The following SLIT3 variants were observed in gnomAD, a reference collection of about 807,000 sequenced individuals.
SLIT3 encodes the protein slit guidance ligand 3, also known as slit homolog 3 protein.
In SLIT3, 68 loss-of-function variants were observed where a neutral mutation model predicts 184.0. The ratio of observed to expected loss-of-function variants is 0.37; its 90% CI spans 0.30 to 0.45. SLIT3 has a LOEUF of 0.45. SLIT3 is among the 20% of genes least tolerant of loss of function. The pLI, the probability that SLIT3 is intolerant of heterozygous loss-of-function variation, is 1.00. For missense variants in SLIT3, 1,707 were observed against 2,026.0 expected (o/e 0.84, Z 3.02); for synonymous variants, 831 against 828.6 (o/e 1.00, Z -0.05).
intron 20 of SLIT3, among the ~76,000 whole-genome samples, chr5:168,734,874 G>A (rs547966945): frequency 3.8e-4 from 58 of 152,274 alleles, no homozygotes; most frequent in African/African-American, 1.2e-3. Context: ...GGAGAGCTGC[G>A]TTTGGCATGA....
chr5:169,281,216 A>G (rs1766981328), intron 1 of SLIT3, among the ~76,000 whole-genome samples: 1 of 152,220 alleles, frequency 6.6e-6, no homozygotes, highest in Admixed American at 6.5e-5. Flanking sequence ...GGCTGGGCGC[A>G]GTGGCTCATC....
chr5:169,071,929 CAG>C (rs929114407), intron 4 of SLIT3, among the ~76,000 whole-genome samples: 20 of 152,272 alleles, frequency 1.3e-4, no homozygotes, highest in Non-Finnish European at 2.8e-4. Context: ...TGGAACGTCA[CAG>C]AGAGACAGTA....
chr5:168,871,433 C>T lies in SLIT3; in HGVS notation c.485+11832G>A, dbSNP rs554718364. 4.6e-5 allele frequency among the ~76,000 whole-genome samples: 7 copies of T among 152,196 alleles called. No individual in the cohort carries two copies. The East Asian group carries it at 5.8e-4, about 13-fold the overall frequency. The stretch of plus-strand genomic sequence containing the variant: ...GGAGCTGGGACTCCTCAGTTCTTTT[C>T]GTCCTTTCCATGTCTTGGTGGGGAC... On this transcript the variant is annotated intron_variant, in intron 5 of 35. Transcript: ENST00000519560.
At chr5:169,265,594 T>A (rs528518525) in intron 1 of SLIT3, among the ~76,000 whole-genome samples, 1 of 152,254 alleles carries the variant, frequency 6.6e-6, no homozygotes, top group South Asian at 2.1e-4. Flanking sequence ...TGGGCTCAAA[T>A]CTTAGCAAAT....
intron 25 of SLIT3, among the ~76,000 whole-genome samples, chr5:168,709,873 G>A (rs1299283752): frequency 6.6e-6 from 1 of 151,804 alleles, no homozygotes; most frequent in Non-Finnish European, 1.5e-5. Context: ...GAGAAAATAA[G>A]AGAAAATAAT....
chr5:169,278,328 A>G (rs1191541628), intron 1 of SLIT3, among the ~76,000 whole-genome samples: 1 of 152,200 alleles, frequency 6.6e-6, no homozygotes, highest in Non-Finnish European at 1.5e-5. Flanking sequence ...AACACCTGAA[A>G]AGTAGGATAA....
chr5:168,783,800 C>T (rs1756058308), intron 12 of SLIT3, among the ~76,000 whole-genome samples: 1 of 152,178 alleles, frequency 6.6e-6, no homozygotes, highest in South Asian at 2.1e-4. Context: ...CTACTTGAGT[C>T]CCAGTTACTG....
chr5:168,861,027 C>T (rs1049340889), intron 5 of SLIT3, among the ~76,000 whole-genome samples: 1 of 152,152 alleles, frequency 6.6e-6, no homozygotes, highest in African/African-American at 2.4e-5. Flanking sequence ...GACCCAGACA[C>T]AGACCAAGGG....
At chr5:168,927,678 T>G (rs1187750209) in intron 4 of SLIT3, among the ~76,000 whole-genome samples, 1 of 152,218 alleles carries the variant, frequency 6.6e-6, no homozygotes, top group Non-Finnish European at 1.5e-5. Flanking sequence ...TGCCCGTTCA[T>G]GTCTCTGTCT....
intron 1 of SLIT3, among the ~76,000 whole-genome samples, chr5:169,255,862 G>A (rs555678624): frequency 2.6e-5 from 4 of 152,272 alleles, no homozygotes; most frequent in South Asian, 2.1e-4. Flanking sequence ...CAGCCTGGGC[G>A]ACAGAGCAAG....
intron 1 of SLIT3, among the ~76,000 whole-genome samples, chr5:169,274,054 A>C (rs944768685): frequency 6.6e-6 from 1 of 152,144 alleles, no homozygotes. Flanking sequence ...TAATCCCCCA[A>C]ATGGGGTTCC....
intron 8 of SLIT3, among the ~76,000 whole-genome samples, chr5:168,812,646 T>C (rs1227855353): frequency 3.3e-5 from 5 of 152,244 alleles, no homozygotes; most frequent in Non-Finnish European, 7.3e-5. Flanking sequence ...TACTGGCCTC[T>C]GGCCTTTCAA....
chr5:168,740,226 A>G (rs560280435), intron 20 of SLIT3, among the ~76,000 whole-genome samples: 103 of 152,256 alleles, frequency 6.8e-4, no homozygotes, highest in Middle Eastern at 3.4e-3. Context: ...CACTTGCAAG[A>G]CTGAATGTGA....
chr5:169,257,347 C>T (rs933569831), intron 1 of SLIT3, among the ~76,000 whole-genome samples: 1 of 151,486 alleles, frequency 6.6e-6, no homozygotes, highest in African/African-American at 2.4e-5. Context: ...GCCTCTCCTC[C>T]TTTGGATCCC....
intron 4 of SLIT3, among the ~76,000 whole-genome samples, chr5:168,949,660 C>T (rs984300350): frequency 3.9e-5 from 6 of 152,080 alleles, no homozygotes; most frequent in East Asian, 1.9e-4. Context: ...GTGCATGGCG[C>T]GAGATTACGG....
intron 4 of SLIT3, among the ~76,000 whole-genome samples, chr5:168,996,551 A>G (rs547046144): frequency 6.6e-6 from 1 of 152,238 alleles, no homozygotes; most frequent in Non-Finnish European, 1.5e-5. Flanking sequence ...GGCTTTGGAT[A>G]TAACGTCAAG....
At chr5:168,830,732 C>A (rs1757855068) in intron 6 of SLIT3, among the ~76,000 whole-genome samples, 1 of 152,248 alleles carries the variant, frequency 6.6e-6, no homozygotes, top group Non-Finnish European at 1.5e-5. Context: ...CTGCTCAGAT[C>A]TCACAGCCAG....
intron 4 of SLIT3, among the ~76,000 whole-genome samples, chr5:169,114,215 T>C (rs2569115): frequency 0.016 from 2,497 of 152,324 alleles, 76 homozygotes; most frequent in African/African-American, 0.058. Context: ...TCTCTTTTTC[T>C]GTGGGCTAGA....
At chr5:168,828,490 A>C (rs910885954) in intron 6 of SLIT3, among the ~76,000 whole-genome samples, 1 of 151,730 alleles carries the variant, frequency 6.6e-6, no homozygotes, top group African/African-American at 2.4e-5. Context: ...AAATAAAATA[A>C]ATACATTAAA....
Sources: allele counts gnomAD v4.1 joint callset (sites outside exome capture counted in the v4.1 genomes callset), GRCh38; gene constraint gnomAD v4.1.1; transcripts MANE v1.5; gene names NCBI Gene and HGNC (gene_info 2026-07-23, HGNC 2026-07-21).